Variants in MROH9 observed in about 807,000 individuals in gnomAD.
MROH9 encodes the protein maestro heat-like repeat-containing protein family member 9.
A neutral mutation model predicts 98.2 loss-of-function variants in MROH9; 92 were observed. The observed-to-expected ratio is 0.94, with a 90% CI of 0.79 to 1.11. The LOEUF (loss-of-function observed/expected upper bound fraction) is 1.11. Among genes scored for constraint, MROH9 ranks in the 50% most tolerant of loss-of-function variants. The pLI, the probability that MROH9 is intolerant of heterozygous loss-of-function variation, is 0.00. For synonymous variants in MROH9, 397 were observed against 368.9 expected, an observed-to-expected ratio of 1.08 and a Z score of -0.87; for missense variants, 1,057 against 1,014.8, an observed-to-expected ratio of 1.04 and a Z score of -0.57.
In MROH9 at chr1:171,038,141, G is replaced by T. The variant is rs1019788913; in HGVS notation, c.2281+12721G>T. 3.3e-5 allele frequency among the ~76,000 whole-genome samples: 5 copies of T among 152,104 alleles called. No homozygotes were observed. The East Asian group carries it at 7.7e-4, about 23-fold the overall frequency. The stretch of plus-strand genomic sequence containing the variant: ...ATAAACAAAGTAAAAAGCCAAATTT[G>T]GATGAAATATTTACATTTATCATGA... On this transcript the variant is annotated intron_variant, in intron 20 of 21. Transcript: ENST00000367759.
At chr1:171,059,099 G>T (rs879850116) in intron 20 of MROH9, among the ~76,000 whole-genome samples, 2 of 152,020 alleles carry the variant, frequency 1.3e-5, no homozygotes, top group Non-Finnish European at 2.9e-5. Context: ...ATCTGAGAAA[G>T]GTCTAATATC....
intron 7 of MROH9, among the ~76,000 whole-genome samples, chr1:170,965,687 T>C (rs750800202): frequency 6.6e-6 from 1 of 152,084 alleles, no homozygotes; most frequent in Non-Finnish European, 1.5e-5. Flanking sequence ...AGAGCATAAA[T>C]CTCCCTTTAC....
At chr1:171,062,103 A>G in intron 20 of MROH9, 29 bp from the exon 21 acceptor site, 1 of 1,399,260 alleles carries the variant, frequency 7.1e-7, no homozygotes, top group Non-Finnish European at 9.9e-7. Flanking sequence ...TGCATGTTGC[A>G]GTAACTTTAA....
chr1:170,965,268 A>G lies in MROH9; in HGVS notation c.480+13A>G. ...AGTCAGAAAATACGTAAGTCACAGA[A>G]TATAACAATGCCACCTGATTCTGAA... On this transcript the variant is annotated intron_variant, in intron 7 of 21. Coordinates refer to ENST00000367759, the MANE Select transcript of MROH9 (RefSeq NM_001163629.2). The G allele has an allele frequency of 6.5e-7, 1 of 1,531,364 alleles. No individual in the cohort carries two copies. The highest frequency in any genetic ancestry group is 9.0e-7 in the Non-Finnish European group (1 of 1,105,714). 94.9% of individuals were successfully genotyped at this position (1,531,364 alleles called of 1,614,324 possible).
chr1:171,054,755 C>T (rs1029694846), intron 20 of MROH9, among the ~76,000 whole-genome samples: 3 of 152,120 alleles, frequency 2.0e-5, no homozygotes, highest in African/African-American at 7.2e-5. Context: ...TGAAAATATG[C>T]TCCACACCAC....
At chr1:170,973,396 A>G (rs1650552427) in intron 8 of MROH9, among the ~76,000 whole-genome samples, 1 of 151,962 alleles carries the variant, frequency 6.6e-6, no homozygotes, top group Non-Finnish European at 1.5e-5. Context: ...TCATTAGGAG[A>G]AAAAAAATCA....
chr1:171,003,203 G>A (rs1034505711), intron 15 of MROH9, among the ~76,000 whole-genome samples: 7 of 151,964 alleles, frequency 4.6e-5, no homozygotes, highest in African/African-American at 1.7e-4. Flanking sequence ...GTCCCTCCCT[G>A]ATTAGCTTAA....
intron 5 of MROH9, among the ~76,000 whole-genome samples, chr1:170,960,102 C>T (rs762888957): frequency 2.0e-5 from 3 of 152,184 alleles, no homozygotes; most frequent in Non-Finnish European, 4.4e-5. Context: ...AACTATCAGG[C>T]TAATTGTTTC....
At chr1:170,996,361 G>T (rs1289521252) in intron 13 of MROH9, 146 bp from the exon 14 acceptor site, 3 of 817,476 alleles carry the variant, frequency 3.7e-6, no homozygotes, top group Non-Finnish European at 5.7e-6. Context: ...GAAGATGAAG[G>T]ACATTTAGCA....
chr1:170,984,205 T>C (rs1651041232), intron 9 of MROH9, among the ~76,000 whole-genome samples: 1 of 152,184 alleles, frequency 6.6e-6, no homozygotes. Context: ...GCAAAACTTC[T>C]GAGGAAACCC....
rs1026314370 is a variant in MROH9, at chr1:170,964,911, G to C, written c.376-240G>C. Among the ~76,000 whole-genome samples the C allele has an allele frequency of 5.3e-5, 8 of 152,088 alleles. No homozygotes were observed. The East Asian group carries it at 1.5e-3, about 29-fold the overall frequency. On this transcript the variant is annotated intron_variant, in intron 6 of 21. Transcript: ENST00000367759. The stretch of plus-strand genomic sequence containing the variant: ...GCCTAACAAAGTGACTATTATAGTG[G>C]ATATTAGTAAATACTTTTTGAATAT...
At chr1:170,957,795 G>GTTTTTTTTT (rs71573033) in intron 3 of MROH9, among the ~76,000 whole-genome samples, 1 of 124,644 alleles carries the variant, frequency 8.0e-6, no homozygotes. Flanking sequence ...GCATTTTTTT[G>GTTTTTTTTT]TTTTTTTTTT....
intron 15 of MROH9, among the ~76,000 whole-genome samples, chr1:171,007,868 C>T (rs138793352): frequency 2.0e-5 from 3 of 152,266 alleles, no homozygotes; most frequent in African/African-American, 4.8e-5. Context: ...GCAGAGAGAC[C>T]GGGTCATTTC....
Position 170,958,446 on chromosome 1 carries a change from T to TTA in MROH9, c.73-15_73-14insTA. 1 of 1,432,158 alleles carries TTA rather than the reference T, an allele frequency of 7.0e-7. No homozygotes were observed. Among genetic ancestry groups the TTA allele is most frequent in the Non-Finnish European group, 9.6e-7 (1 of 1,044,284 alleles). The allele number at this position is 1,432,158 out of a possible 1,614,324, so 88.7% of individuals were successfully genotyped here. Reference sequence around the variant, plus strand: ...TAATTCTTCTTTTTTTTTTTTTTTTTAACATGGTACTTAGGCACATAAAGT... The same window carrying TTA: ...TAATTCTTCTTTTTTTTTTTTTTTTTTAAACATGGTACTTAGGCACATAAAGT... On this transcript the variant is annotated splice_polypyrimidine_tract_variant and intron_variant, in intron 3 of 21. Coordinates refer to ENST00000367759, the MANE Select transcript of MROH9 (RefSeq NM_001163629.2).
chr1:170,965,485 T>A (rs1650198795), intron 7 of MROH9, among the ~76,000 whole-genome samples: 1 of 152,130 alleles, frequency 6.6e-6, no homozygotes, highest in South Asian at 2.1e-4. Context: ...GCAAAGAGCA[T>A]GAGGGTGTTA....
intron 20 of MROH9, among the ~76,000 whole-genome samples, chr1:171,030,165 T>G (rs1652859503): frequency 6.6e-6 from 1 of 152,200 alleles, no homozygotes; most frequent in Non-Finnish European, 1.5e-5. Flanking sequence ...TTTTATTGTA[T>G]CTATTTAATT....
intron 3 of MROH9, among the ~76,000 whole-genome samples, chr1:170,954,723 T>C (rs1002868453): frequency 1.3e-5 from 2 of 152,114 alleles, no homozygotes. Context: ...TGTGAGGTAA[T>C]GTCTCACTGT....
At chr1:171,006,716 G>A (rs1342102527) in intron 15 of MROH9, among the ~76,000 whole-genome samples, 2 of 140,950 alleles carry the variant, frequency 1.4e-5, no homozygotes, top group East Asian at 4.1e-4. Flanking sequence ...TTGTCTTCAA[G>A]TTTGCTAATT....
At chr1:171,058,743 G>T (rs1350819837) in intron 20 of MROH9, among the ~76,000 whole-genome samples, 2 of 152,172 alleles carry the variant, frequency 1.3e-5, no homozygotes, top group African/African-American at 4.8e-5. Flanking sequence ...AAGCAATGGG[G>T]AAAGGATTTC....
Sources: allele counts gnomAD v4.1 joint callset (sites outside exome capture counted in the v4.1 genomes callset), GRCh38; gene constraint gnomAD v4.1.1; transcripts MANE v1.5; gene names NCBI Gene and HGNC (gene_info 2026-07-23, HGNC 2026-07-21).